The following CDH18 variants were observed in gnomAD, a reference collection of about 807,000 sequenced individuals.
CDH18 encodes cadherin-18.
A neutral mutation model predicts 67.9 loss-of-function variants in CDH18; 31 were observed. The observed-to-expected ratio is 0.46, with a 90% CI of 0.34 to 0.62. The LOEUF is 0.62. Among genes scored for constraint, CDH18 ranks in the 20% least tolerant of loss-of-function variants. The pLI, the probability that CDH18 is intolerant of heterozygous loss-of-function variation, is 0.01. For synonymous variants in CDH18, 362 were observed against 347.2 expected, an observed-to-expected ratio of 1.04 and a Z score of -0.48; for missense variants, 890 against 975.5, an observed-to-expected ratio of 0.91 and a Z score of 1.17.
At chr5:19,481,908 A>G (rs185680004) in intron 12 of CDH18, among the ~76,000 whole-genome samples, 204 of 152,334 alleles carry the variant, frequency 1.3e-3, no homozygotes, top group Non-Finnish European at 2.5e-3. Context: ...GATGAAGCAG[A>G]AAGATTCCTT....
chr5:19,752,002 T>C (rs1414442178), intron 3 of CDH18, among the ~76,000 whole-genome samples: 1 of 151,976 alleles, frequency 6.6e-6, no homozygotes, highest in African/African-American at 2.4e-5. Context: ...GCCCCAAATA[T>C]TGTAAGTGCC....
At chr5:20,227,431 AAC>A (rs1044641532) in intron 2 of CDH18, among the ~76,000 whole-genome samples, 8 of 152,052 alleles carry the variant, frequency 5.3e-5, no homozygotes, top group African/African-American at 1.9e-4. Flanking sequence ...CTGTTTCATA[AAC>A]ACACAAAGAT....
chr5:19,626,205 C>T, intron 5 of CDH18, among the ~76,000 whole-genome samples: 1 of 151,736 alleles, frequency 6.6e-6, no homozygotes, highest in African/African-American at 2.4e-5. Context: ...CAAATAGCAC[C>T]AAGAAAAAAA....
chr5:20,064,560 T>C (rs1404208576), intron 2 of CDH18, among the ~76,000 whole-genome samples: 1 of 152,162 alleles, frequency 6.6e-6, no homozygotes, highest in Non-Finnish European at 1.5e-5. Flanking sequence ...TGTTTACAGA[T>C]AATGTATTTG....
chr5:20,156,228 T>C (rs1751510715), intron 2 of CDH18, among the ~76,000 whole-genome samples: 1 of 152,124 alleles, frequency 6.6e-6, no homozygotes, highest in Admixed American at 6.6e-5. Context: ...TATCCTGTAC[T>C]GGGTATATAT....
intron 1 of CDH18, among the ~76,000 whole-genome samples, chr5:20,356,361 C>A (rs1054557762): frequency 6.6e-6 from 1 of 151,942 alleles, no homozygotes; most frequent in Non-Finnish European, 1.5e-5. Context: ...CCAGCCTGGG[C>A]GAAAGAGCAA....
intron 2 of CDH18, among the ~76,000 whole-genome samples, chr5:19,898,396 G>A (rs1789574810): frequency 6.6e-6 from 1 of 151,846 alleles, no homozygotes; most frequent in South Asian, 2.1e-4. Context: ...TTGGTTAATA[G>A]TGATATATAG....
chr5:20,514,448 A>G (rs1330424030), intron 1 of CDH18, among the ~76,000 whole-genome samples: 1 of 152,128 alleles, frequency 6.6e-6, no homozygotes, highest in East Asian at 1.9e-4. Flanking sequence ...TGCTTTTTAA[A>G]AAGTCACAAA....
intron 2 of CDH18, among the ~76,000 whole-genome samples, chr5:19,962,776 A>T (rs1402917304): frequency 1.3e-5 from 2 of 152,118 alleles, no homozygotes; most frequent in African/African-American, 4.8e-5. Flanking sequence ...TCAAAAAATA[A>T]AAAAGTAAAT....
intron 8 of CDH18, among the ~76,000 whole-genome samples, chr5:19,566,611 T>C (rs1051863286): frequency 3.9e-5 from 6 of 152,114 alleles, no homozygotes; most frequent in Non-Finnish European, 8.8e-5. Flanking sequence ...ACTTATTCAC[T>C]ACCACGAGAA....
chr5:20,180,375 T>G (rs932984761), intron 2 of CDH18, among the ~76,000 whole-genome samples: 3 of 152,166 alleles, frequency 2.0e-5, no homozygotes, highest in Non-Finnish European at 2.9e-5. Flanking sequence ...TCTAGCTTCA[T>G]GTACTGTTTC....
chr5:20,152,334 C>CT (rs1443991730), intron 2 of CDH18, among the ~76,000 whole-genome samples: 2 of 149,480 alleles, frequency 1.3e-5, no homozygotes, highest in Admixed American at 6.7e-5. Context: ...AGATACATTT[C>CT]TTTAAGACTT....
Position 20,557,996 on chromosome 5 carries a change from TAAA to T in CDH18, c.-580+17463_-580+17465del, listed in dbSNP as rs1758005007. ...ATTAAATGTTATAGTTATATAACAT[TAAA>T]TGTTATAGTTATATAACATTAAATG... On this transcript the variant is annotated intron_variant, in intron 1 of 14. Transcript: ENST00000507958. Among the ~76,000 whole-genome samples the T allele has an allele frequency of 2.9e-5, 4 of 138,538 alleles. 1 individual carries two copies. Among genetic ancestry groups the T allele is most frequent in the Admixed American group, 1.5e-4 (2 of 13,726 alleles). 90.9% of individuals were successfully genotyped at this position (138,538 alleles called of 152,430 possible).
intron 3 of CDH18, among the ~76,000 whole-genome samples, chr5:19,811,579 T>A (rs1251297739): frequency 1.3e-5 from 2 of 152,162 alleles, no homozygotes; most frequent in African/African-American, 2.4e-5. Context: ...TGCTACTTTG[T>A]TACGGCAGCT....
At chr5:20,321,894 T>A (rs1020124699) in intron 1 of CDH18, among the ~76,000 whole-genome samples, 1 of 152,302 alleles carries the variant, frequency 6.6e-6, no homozygotes, top group East Asian at 1.9e-4. Flanking sequence ...CTTCCTAACA[T>A]GAGCAGAGCA....
chr5:19,823,913 A>T (rs542961335), intron 3 of CDH18, among the ~76,000 whole-genome samples: 4 of 152,154 alleles, frequency 2.6e-5, no homozygotes, highest in Non-Finnish European at 5.9e-5. Flanking sequence ...TAGAAATCAA[A>T]ACTAGATGAT....
At chr5:20,158,433 T>C (rs1052240035) in intron 2 of CDH18, among the ~76,000 whole-genome samples, 4 of 152,196 alleles carry the variant, frequency 2.6e-5, no homozygotes, top group Admixed American at 2.6e-4. Flanking sequence ...AATTCACTTA[T>C]ATACATTTTG....
intron 1 of CDH18, among the ~76,000 whole-genome samples, chr5:20,451,746 A>C (rs1750468429): frequency 6.6e-6 from 1 of 152,190 alleles, no homozygotes; most frequent in African/African-American, 2.4e-5. Context: ...TTTTAATCAA[A>C]TTGCCTATAT....
At chr5:20,494,042 G>A (rs1753756394) in intron 1 of CDH18, among the ~76,000 whole-genome samples, 1 of 151,754 alleles carries the variant, frequency 6.6e-6, no homozygotes, top group African/African-American at 2.4e-5. Flanking sequence ...TTGAGTTCAG[G>A]AGTTTAAGAC....
Sources: gnomAD v4.1 joint callset for allele counts (sites outside exome capture counted in the v4.1 genomes callset) on GRCh38, gnomAD v4.1.1 for gene constraint, MANE v1.5 for transcripts, NCBI Gene and HGNC (gene_info 2026-07-23, HGNC 2026-07-21) for gene names.